Variants in PCDHGA1 observed in about 807,000 individuals in gnomAD.
The protein encoded by PCDHGA1 is protocadherin gamma-A1.
In PCDHGA1, 32 loss-of-function variants were observed where a neutral mutation model predicts 58.0. The ratio of observed to expected loss-of-function variants is 0.55; its 90% CI spans 0.42 to 0.74. PCDHGA1 has a LOEUF of 0.74. PCDHGA1 is among the 30% of genes least tolerant of loss of function. The pLI is 0.00. For synonymous variants in PCDHGA1, 498 were observed against 501.1 expected, an observed-to-expected ratio of 0.99 and a Z score of 0.08; for missense variants, 1,205 against 1,182.3, an observed-to-expected ratio of 1.02 and a Z score of -0.28.
intron 1 of PCDHGA1, among the ~76,000 whole-genome samples, chr5:141,368,478 A>G (rs1328792459): frequency 2.0e-5 from 3 of 152,318 alleles, no homozygotes; most frequent in Middle Eastern, 3.4e-3. Flanking sequence ...CCAAAGAGTA[A>G]CAAGAGAATC....
intron 1 of PCDHGA1, chr5:141,360,602 C>G: frequency 1.2e-6 from 2 of 1,613,964 alleles, no homozygotes; most frequent in Non-Finnish European, 1.7e-6. Flanking sequence ...CCACTTGACC[C>G]AGCCCTGGAT....
chr5:141,444,915 T>C (rs1262912255), intron 1 of PCDHGA1, among the ~76,000 whole-genome samples: 1 of 152,174 alleles, frequency 6.6e-6, no homozygotes, highest in East Asian at 1.9e-4. Flanking sequence ...TCTATACCTT[T>C]ATCAGGGAAA....
chr5:141,507,872 C>T (rs2099864458), intron 3 of PCDHGA1, among the ~76,000 whole-genome samples: 1 of 152,168 alleles, frequency 6.6e-6, no homozygotes, highest in African/African-American at 2.4e-5. Flanking sequence ...GCTTCCTAGC[C>T]CTGAAACCAG....
At position 141,359,348 on chromosome 5, in the gene PCDHGA1, T is replaced by C. The variant is rs193044615; in HGVS notation, c.2421+26243T>C. 4.0e-3 allele frequency among the ~76,000 whole-genome samples: 616 copies of C among 152,208 alleles called. 6 individuals carry two copies. The highest frequency in any genetic ancestry group is 0.011 in the Admixed American group (172 of 15,282). On this transcript the variant is annotated intron_variant, in intron 1 of 3. Transcript: ENST00000517417. ...TATATTCCAGAATGAGAGTGCCACA[T>C]GTTTTAAAGGCCTAGGAAAGCAGTA...
At chr5:141,408,286 C>G (rs751845459) in intron 1 of PCDHGA1, 81 of 1,613,074 alleles carry the variant, frequency 5.0e-5, no homozygotes, top group Non-Finnish European at 6.3e-5. Context: ...TCTACCCCAC[C>G]CTGAGTGAGC....
intron 1 of PCDHGA1, chr5:141,405,178 T>C (rs769150671): frequency 3.1e-6 from 5 of 1,613,890 alleles, no homozygotes; most frequent in African/African-American, 2.7e-5. Flanking sequence ...ACTTTGTGGG[T>C]GTAGATGGGG....
At chr5:141,401,756 A>G (rs560146125) in intron 1 of PCDHGA1, among the ~76,000 whole-genome samples, 2 of 152,332 alleles carry the variant, frequency 1.3e-5, no homozygotes, top group African/African-American at 4.8e-5. Context: ...CTCCCATTAC[A>G]TGGTATAAGT....
intron 3 of PCDHGA1, among the ~76,000 whole-genome samples, chr5:141,509,807 C>T (rs369661041): frequency 2.0e-5 from 3 of 152,104 alleles, no homozygotes; most frequent in Non-Finnish European, 4.4e-5. Context: ...TTCATAGAGC[C>T]GAGCTCTTCT....
rs370127569 is a variant in PCDHGA1 at position 141,422,859 on chromosome 5, C to T, written c.2422-71948C>T. 1.4e-5 allele frequency: 22 copies of T among 1,614,148 alleles called. No homozygotes were observed. In the African/African-American group the frequency reaches 2.5e-4, roughly 19 times the overall value. ...GTGACAGCGGGGACCCGCCCCTCAG[C>T]AGCAACGTGTCGCTGAGCCTGTTCG... On this transcript the variant is annotated intron_variant, in intron 1 of 3. Transcript: ENST00000517417.
At position 141,491,597 on chromosome 5, in the gene PCDHGA1, A is replaced by T. The variant is rs1389838814; in HGVS notation, c.2422-3210A>T. Reference sequence around the variant, plus strand: ...TTTTCACCGGCCTCGGACGGCAGTGACTTCACTTTTCTAAGACCCCTCAGC... The same window carrying T: ...TTTTCACCGGCCTCGGACGGCAGTGTCTTCACTTTTCTAAGACCCCTCAGC... On this transcript the variant is annotated intron_variant, in intron 1 of 3. Coordinates refer to ENST00000517417, the MANE Select transcript of PCDHGA1 (RefSeq NM_018912.3). This position sits in a 1 kb window ranked among gnomAD's most constrained non-coding sequence, Gnocchi z 6.9. 1.2e-6 allele frequency: 2 copies of T among 1,613,788 alleles called. No individual in the cohort carries two copies. The highest frequency in any genetic ancestry group is 1.7e-6 in the Non-Finnish European group (2 of 1,180,012).
chr5:141,381,826 C>CT (rs770630741), intron 1 of PCDHGA1, among the ~76,000 whole-genome samples: 11,762 of 74,396 alleles, frequency 0.16, 1,041 homozygotes, highest in Non-Finnish European at 0.18. Flanking sequence ...CTTTCTTCTT[C>CT]TTTTTTTTTT....
In PCDHGA1 at chr5:141,431,304, T is replaced by G. The variant is rs749116196; in HGVS notation, c.2422-63503T>G. The G allele has an allele frequency of 7.4e-6, 12 of 1,614,104 alleles. No individual in the cohort carries two copies. Among genetic ancestry groups the G allele is most frequent in the Non-Finnish European group, 9.3e-6 (11 of 1,180,030 alleles). On this transcript the variant is annotated intron_variant, in intron 1 of 3. Coordinates refer to ENST00000517417, the MANE Select transcript of PCDHGA1 (RefSeq NM_018912.3). The surrounding 1 kb of genome is among the most constrained non-coding windows in gnomAD (Gnocchi z 4.8). ...CCGAACACTCACTTCTCCCTCATCGTGCAAAATGGAGCCGACGGTAGTAAG... is the reference window on the plus strand; with the variant it reads ...CCGAACACTCACTTCTCCCTCATCGGGCAAAATGGAGCCGACGGTAGTAAG...
At chr5:141,395,359 G>T in intron 1 of PCDHGA1, 2 of 1,289,368 alleles carry the variant, frequency 1.6e-6, no homozygotes, top group East Asian at 5.1e-5. Flanking sequence ...CAGAGTTTTG[G>T]GTTTATTTTG....
chr5:141,331,261 G>A lies in PCDHGA1; in HGVS notation c.577G>A (p.Glu193Lys). Residue 193 changes from glutamate to lysine, a missense_variant, in exon 1 of 4, where the codon GAG becomes AAG. Transcript: ENST00000517417. Reference sequence around the variant, plus strand: ...GGGAGCCGATGGGCCTCAACATCCAGAGATGGTGCTGCAGAGTCCCTTAGA... The same window carrying A: ...GGGAGCCGATGGGCCTCAACATCCAAAGATGGTGCTGCAGAGTCCCTTAGA... ...QQGADGPQHP[E>K]MVLQSPLDRE... 6.2e-7 allele frequency: 1 copy of A among 1,614,114 alleles called. No homozygotes were observed. The highest frequency in any genetic ancestry group is 1.3e-5 in the African/African-American group (1 of 75,018).
At chr5:141,404,170 G>T in intron 1 of PCDHGA1, 1 of 1,612,740 alleles carries the variant, frequency 6.2e-7, no homozygotes, top group Non-Finnish European at 8.5e-7. Flanking sequence ...GATTGTTGAC[G>T]GCCCAAATTC....
chr5:141,356,469 T>A, intron 1 of PCDHGA1: 1 of 1,613,784 alleles, frequency 6.2e-7, no homozygotes, highest in Non-Finnish European at 8.5e-7. Flanking sequence ...TCACTGTAAC[T>A]GCCACTGACC....
chr5:141,361,066 A>C (rs1761866525), intron 1 of PCDHGA1: 2 of 1,613,958 alleles, frequency 1.2e-6, no homozygotes, highest in Non-Finnish European at 1.7e-6. Flanking sequence ...GGATTTTGAG[A>C]TTGCAAGTAG....
chr5:141,340,223 TACA>T (rs1174729187), intron 1 of PCDHGA1: 1 of 1,614,208 alleles, frequency 6.2e-7, no homozygotes, highest in Non-Finnish European at 8.5e-7. Flanking sequence ...GTTTTCCTTT[TACA>T]ACATCACTCT....
intron 1 of PCDHGA1, chr5:141,423,360 G>T (rs762976655): frequency 1.2e-6 from 2 of 1,614,224 alleles, no homozygotes; most frequent in South Asian, 2.2e-5. Context: ...TTGTCATCGT[G>T]CTGCTGGCAC....
Sources: gnomAD v4.1 joint callset for allele counts (sites outside exome capture counted in the v4.1 genomes callset) on GRCh38, gnomAD v4.1.1 for gene constraint, Gnocchi (gnomAD v3.1) non-coding constraint, MANE v1.5 for transcripts, NCBI Gene and HGNC (gene_info 2026-07-23, HGNC 2026-07-21) for gene names.